The following HIVEP3 variants were observed in gnomAD, a reference collection of about 807,000 sequenced individuals.
HIVEP3 encodes the protein HIVEP zinc finger 3.
Under a neutral mutation model 152.8 loss-of-function variants are expected in HIVEP3, and 49 were observed. That is an observed-to-expected ratio of 0.32 (90% confidence interval 0.26 to 0.41). HIVEP3 has a LOEUF of 0.41. HIVEP3 is among the 10% of genes least tolerant of loss of function. HIVEP3 has a pLI of 1.00. For missense variants in HIVEP3, 2,790 were observed against 3,103.3 expected, an observed-to-expected ratio of 0.90 and a Z score of 2.40; for synonymous variants, 1,269 against 1,289.0, an observed-to-expected ratio of 0.98 and a Z score of 0.33.
chr1:41,607,121 C>T (rs1352249443), intron 3 of HIVEP3, among the ~76,000 whole-genome samples: 1 of 152,112 alleles, frequency 6.6e-6, no homozygotes, highest in Non-Finnish European at 1.5e-5. Context: ...CCAAGCCTGG[C>T]CGTGTGTATT....
intron 1 of HIVEP3, among the ~76,000 whole-genome samples, chr1:41,837,611 C>A (rs768693358): frequency 6.6e-6 from 1 of 152,208 alleles, no homozygotes; most frequent in Non-Finnish European, 1.5e-5. Context: ...TAAGCAAGAG[C>A]CACCACGCCC....
chr1:41,833,931 G>A (rs1643042070), intron 1 of HIVEP3, among the ~76,000 whole-genome samples: 1 of 152,146 alleles, frequency 6.6e-6, no homozygotes, highest in African/African-American at 2.4e-5. Context: ...ATGGCGAGGG[G>A]GTAGTATTGT....
At chr1:42,017,910 G>C (rs940217903) in intron 1 of HIVEP3, among the ~76,000 whole-genome samples, 22 of 152,152 alleles carry the variant, frequency 1.4e-4, no homozygotes, top group African/African-American at 5.1e-4. Flanking sequence ...TGAGAGTCTA[G>C]TTGTTCCATG....
intron 1 of HIVEP3, among the ~76,000 whole-genome samples, chr1:41,853,329 T>C (rs910040083): frequency 1.3e-5 from 2 of 152,144 alleles, no homozygotes; most frequent in Non-Finnish European, 2.9e-5. Flanking sequence ...GAGGTTTAAT[T>C]GACTCGTAGT....
chr1:41,611,815 T>G (rs1644902030), intron 3 of HIVEP3, among the ~76,000 whole-genome samples: 1 of 152,134 alleles, frequency 6.6e-6, no homozygotes, highest in African/African-American at 2.4e-5. Context: ...TTCACTAGAG[T>G]TGGGTTTCGG....
chr1:41,874,588 C>T (rs1320618014), intron 1 of HIVEP3, among the ~76,000 whole-genome samples: 1 of 152,156 alleles, frequency 6.6e-6, no homozygotes, highest in Non-Finnish European at 1.5e-5. Flanking sequence ...CCTCCCTCAC[C>T]GTGGCCTCTC....
chr1:41,992,293 A>G (rs1645366934), intron 1 of HIVEP3, among the ~76,000 whole-genome samples: 1 of 152,136 alleles, frequency 6.6e-6, no homozygotes, highest in African/African-American at 2.4e-5. Context: ...AAGCAACTTC[A>G]GCAAAGTCTC....
chr1:41,729,190 G>A (rs1468903306), intron 1 of HIVEP3, among the ~76,000 whole-genome samples: 1 of 152,218 alleles, frequency 6.6e-6, no homozygotes, highest in Non-Finnish European at 1.5e-5. Flanking sequence ...GAGATCCTGG[G>A]GGAAGCAGAG....
chr1:41,539,511 C>T (rs913461839), intron 5 of HIVEP3, among the ~76,000 whole-genome samples: 9 of 152,308 alleles, frequency 5.9e-5, no homozygotes, highest in East Asian at 3.9e-4. Context: ...TAGCCCAGGC[C>T]GATGCAGGAC....
chr1:41,973,522 T>C (rs578072945), intron 1 of HIVEP3, among the ~76,000 whole-genome samples: 2 of 152,334 alleles, frequency 1.3e-5, no homozygotes, highest in South Asian at 4.1e-4. Flanking sequence ...TCTGACATGG[T>C]AACTGGCTTC....
chr1:41,892,506 A>T (rs182870387), intron 1 of HIVEP3, among the ~76,000 whole-genome samples: 24 of 152,322 alleles, frequency 1.6e-4, no homozygotes, highest in African/African-American at 5.1e-4. Flanking sequence ...GAGCACAGAG[A>T]AGGCAGGAAG....
intron 1 of HIVEP3, among the ~76,000 whole-genome samples, chr1:41,910,152 G>C (rs78994442): frequency 6.6e-6 from 1 of 151,902 alleles, no homozygotes; most frequent in Non-Finnish European, 1.5e-5. Flanking sequence ...AAGGATTAGA[G>C]ATAGTCTCTA....
chr1:42,022,743 T>C (rs1645561674), intron 1 of HIVEP3, among the ~76,000 whole-genome samples: 1 of 152,178 alleles, frequency 6.6e-6, no homozygotes, highest in Non-Finnish European at 1.5e-5. Flanking sequence ...AAGAAAGCAA[T>C]AGAATAATGT....
chr1:41,863,394 C>G (rs190227010), intron 1 of HIVEP3, among the ~76,000 whole-genome samples: 2 of 152,134 alleles, frequency 1.3e-5, no homozygotes, highest in African/African-American at 4.8e-5. Context: ...TCCTAGACAA[C>G]CCTGACTAAA....
chr1:41,729,138 AT>A (rs1296483057), intron 1 of HIVEP3, among the ~76,000 whole-genome samples: 1 of 152,204 alleles, frequency 6.6e-6, no homozygotes, highest in East Asian at 1.9e-4. Flanking sequence ...CAGGGGTTCC[AT>A]TCAGGGAGTC....
intron 1 of HIVEP3, among the ~76,000 whole-genome samples, chr1:41,760,916 T>C (rs532336094): frequency 1.3e-5 from 2 of 152,302 alleles, no homozygotes; most frequent in South Asian, 2.1e-4. Flanking sequence ...CCCTCAAACA[T>C]GTCCCGTCTG....
At chr1:41,629,082 T>C (rs922359981) in intron 2 of HIVEP3, 135 bp from the exon 3 acceptor site, 3 of 462,686 alleles carry the variant, frequency 6.5e-6, no homozygotes, top group Admixed American at 4.8e-5. Context: ...GTACAGGGCC[T>C]GATCCCCACA....
At chr1:41,785,964 C>A (rs1371489674) in intron 1 of HIVEP3, among the ~76,000 whole-genome samples, 1 of 152,186 alleles carries the variant, frequency 6.6e-6, no homozygotes, top group Admixed American at 6.5e-5. Flanking sequence ...TGCCATTGCA[C>A]TCCAGCCTGG....
At chr1:41,513,776 G>A (rs1302235102) in intron 7 of HIVEP3, 26 bp from the exon 8 acceptor site, 10 of 1,521,222 alleles carry the variant, frequency 6.6e-6, no homozygotes, top group Non-Finnish European at 8.8e-6. Flanking sequence ...GAAGACCCAA[G>A]GTCACAGTTG....
Sources: allele counts gnomAD v4.1 joint callset (sites outside exome capture counted in the v4.1 genomes callset), GRCh38; gene constraint gnomAD v4.1.1; transcripts MANE v1.5; gene names NCBI Gene and HGNC (gene_info 2026-07-23, HGNC 2026-07-21).